The following PGM1 variants were observed in gnomAD, a reference collection of about 807,000 sequenced individuals.
The protein encoded by PGM1 is phosphoglucomutase 1.
A neutral mutation model predicts 55.6 loss-of-function variants in PGM1; 52 were observed. The observed-to-expected ratio is 0.94, with a 90% CI of 0.75 to 1.18. The LOEUF is 1.18. Ranked by LOEUF, PGM1 falls within the 50% of genes most tolerant of loss-of-function variation. PGM1 has a pLI of 0.00. For missense variants in PGM1, 724 were observed against 729.3 expected (o/e 0.99, Z 0.08); for synonymous variants, 287 against 271.7 (o/e 1.06, Z -0.55).
At chr1:63,605,536 G>C (rs1293096900) in intron 1 of PGM1, among the ~76,000 whole-genome samples, 1 of 152,060 alleles carries the variant, frequency 6.6e-6, no homozygotes, top group Non-Finnish European at 1.5e-5. Flanking sequence ...AGTTCCCATT[G>C]TCTGACAGAG....
chr1:63,640,054 A>T (rs760338019), intron 7 of PGM1, among the ~76,000 whole-genome samples: 37 of 152,172 alleles, frequency 2.4e-4, no homozygotes, highest in Admixed American at 3.3e-4. Flanking sequence ...GTCCTTTTCT[A>T]CTTCATATAA....
In PGM1 at chr1:63,629,446, C is replaced by T. The variant is rs555060656; in HGVS notation, c.268C>T (p.Gln90Ter). 4 of 1,613,480 alleles carry T rather than the reference C, an allele frequency of 2.5e-6. No homozygotes were observed. The South Asian group carries it at 4.4e-5, about 18-fold the overall frequency. ...ANGIGRLVIGQNGILSTPAVS... is the reference protein window; with the variant it reads ...ANGIGRLVIG ...CTAGATCGGTCGCTTGGTTATCGGA[C>T]AGAATGGAATCCTCTCCACCCCTGC... The change falls in exon 2 of 11, where the codon CAG becomes TAG. Residue 90 changes from glutamine (Q) to a stop codon, truncating the protein, a stop_gained. Transcript: ENST00000371084. LOFTEE classifies it high-confidence loss of function.
intron 1 of PGM1, among the ~76,000 whole-genome samples, chr1:63,595,090 T>C (rs1648020383): frequency 1.3e-5 from 2 of 152,352 alleles, no homozygotes; most frequent in South Asian, 4.1e-4. Context: ...AGATTTGACT[T>C]ATGCCCAATT....
At chr1:63,658,168 T>G (rs1322157722) in intron 10 of PGM1, among the ~76,000 whole-genome samples, 1 of 152,182 alleles carries the variant, frequency 6.6e-6, no homozygotes, top group Non-Finnish European at 1.5e-5. Flanking sequence ...CAGGTGGAGT[T>G]GATTCTCCTT....
At chr1:63,603,994 A>G (rs1351251761) in intron 1 of PGM1, among the ~76,000 whole-genome samples, 1 of 152,192 alleles carries the variant, frequency 6.6e-6, no homozygotes. Flanking sequence ...CTCAGAGTGC[A>G]CATATGAGAA....
intron 1 of PGM1, among the ~76,000 whole-genome samples, chr1:63,622,550 A>C (rs1648909815): frequency 6.6e-6 from 1 of 152,256 alleles, no homozygotes; most frequent in Non-Finnish European, 1.5e-5. Context: ...TTTCTAAATA[A>C]AAACTCGATC....
chr1:63,636,127 A>G, intron 5 of PGM1, 107 bp from the exon 6 acceptor site: 1 of 1,080,652 alleles, frequency 9.3e-7, no homozygotes, highest in Non-Finnish European at 1.4e-6. Flanking sequence ...AAAGGAGATC[A>G]ATTTCAAATT....
rs1364706788 is a variant in PGM1 at position 63,598,363 on chromosome 1, T to TA, written c.246+4635dup. Among the ~76,000 whole-genome samples the TA allele has an allele frequency of 6.6e-5, 10 of 152,262 alleles. No individual in the cohort carries two copies. The East Asian group carries it at 1.5e-3, about 23-fold the overall frequency. ...TTATATTGAAGTATAATCAAAATAT[T>TA]AAAAAACCAGATTTGTGATATATCA... is the stretch of plus-strand genomic sequence containing the variant. On this transcript the variant is annotated intron_variant, in intron 1 of 10. Coordinates refer to ENST00000371084, the MANE Select transcript of PGM1 (RefSeq NM_002633.3).
Position 63,648,512 on chromosome 1 carries a change from T to G in PGM1, c.1145-5T>G, listed in dbSNP as rs754296708. The G allele has an allele frequency of 6.2e-7, 1 of 1,614,018 alleles. No homozygotes were observed. Among genetic ancestry groups the G allele is most frequent in the East Asian group, 2.2e-5 (1 of 44,840 alleles). The stretch of plus-strand genomic sequence containing the variant: ...TCTTACAGCAGCTTGCTGTCCCCCC[T>G]CCAGGTTCTGACCACATCCGTGAGA... On this transcript the variant is annotated splice_polypyrimidine_tract_variant and splice_region_variant and intron_variant, in intron 7 of 10. Coordinates refer to ENST00000371084, the MANE Select transcript of PGM1 (RefSeq NM_002633.3).
At chr1:63,642,622 G>A (rs138089162) in intron 7 of PGM1, among the ~76,000 whole-genome samples, 113 of 152,256 alleles carry the variant, frequency 7.4e-4, no homozygotes, top group African/African-American at 2.5e-3. Flanking sequence ...GAAAATAGGG[G>A]GCTTGGGAAA....
chr1:63,614,310 TTTTAATAGTTA>T (rs1421705587), intron 1 of PGM1, among the ~76,000 whole-genome samples: 5 of 152,186 alleles, frequency 3.3e-5, no homozygotes, highest in Non-Finnish European at 5.9e-5. Flanking sequence ...TCAAGACCCT[TTTTAATAGTTA>T]TGTAGCGCTA....
chr1:63,596,508 C>T (rs758968558), intron 1 of PGM1, among the ~76,000 whole-genome samples: 3 of 152,096 alleles, frequency 2.0e-5, no homozygotes, highest in African/African-American at 4.8e-5. Flanking sequence ...CCACCCTCCT[C>T]GGCCTCCCAA....
At chr1:63,594,058 C>T in intron 1 of PGM1, 1 of 1,079,766 alleles carries the variant, frequency 9.3e-7, no homozygotes. Context: ...TCCCCCGCCC[C>T]TCCCGAGGCG....
intron 1 of PGM1, among the ~76,000 whole-genome samples, chr1:63,618,362 A>C (rs1648798219): frequency 6.6e-6 from 1 of 152,090 alleles, no homozygotes; most frequent in Admixed American, 6.5e-5. Flanking sequence ...TTTTGATAAA[A>C]TTCTTCTCAT....
At chr1:63,615,118 G>A (rs549997056) in intron 1 of PGM1, among the ~76,000 whole-genome samples, 1 of 152,290 alleles carries the variant, frequency 6.6e-6, no homozygotes, top group Admixed American at 6.5e-5. Flanking sequence ...CATTGGAGAT[G>A]TTTAATCAGT....
intron 7 of PGM1, among the ~76,000 whole-genome samples, chr1:63,642,487 T>C (rs1472929263): frequency 1.3e-5 from 2 of 152,226 alleles, no homozygotes; most frequent in South Asian, 2.1e-4. Context: ...TGGATGATTA[T>C]GTACATGTTT....
chr1:63,651,600 G>C (rs1649808231), intron 8 of PGM1, 69 bp from the exon 9 acceptor site: 1 of 1,433,072 alleles, frequency 7.0e-7, no homozygotes, highest in Non-Finnish European at 9.8e-7. Flanking sequence ...GATGAAGAAA[G>C]TGCTGACTGA....
chr1:63,593,748 G>C lies in PGM1; in HGVS notation c.246+14G>C. On this transcript the variant is annotated intron_variant, in intron 1 of 10. Coordinates refer to ENST00000371084, the MANE Select transcript of PGM1 (RefSeq NM_002633.3). Reference sequence around the variant, plus strand: ...GCCGCCAACGGGGTAAGGGATGCGCGGCCCCGCGCCGCTGTGCACCCTGGC... The same window carrying C: ...GCCGCCAACGGGGTAAGGGATGCGCCGCCCCGCGCCGCTGTGCACCCTGGC... The C allele has an allele frequency of 6.3e-7, 1 of 1,583,340 alleles. No homozygotes were observed. The highest frequency in any genetic ancestry group is 8.5e-7 in the Non-Finnish European group (1 of 1,170,586).
intron 4 of PGM1, among the ~76,000 whole-genome samples, chr1:63,633,670 A>G (rs1439006997): frequency 6.7e-6 from 1 of 148,246 alleles, no homozygotes; most frequent in Non-Finnish European, 1.5e-5. Context: ...TGGGTTTTTT[A>G]TTTTCTTTTT....
Sources: gnomAD v4.1 joint callset for allele counts (sites outside exome capture counted in the v4.1 genomes callset) on GRCh38, gnomAD v4.1.1 for gene constraint, MANE v1.5 for transcripts, NCBI Gene and HGNC (gene_info 2026-07-23, HGNC 2026-07-21) for gene names.